The following HACL2 variants were observed in gnomAD, a reference collection of about 807,000 sequenced individuals.
HACL2 encodes 2-hydroxyacyl-CoA lyase 2, also known as 2-hydroxyacyl-CoA lyase 1 like.
chr19:15,115,044 A>C, the HACL2 span: 1 of 631,676 alleles, frequency 1.6e-6, no homozygotes, highest in African/African-American at 1.8e-5. Flanking sequence ...AGAGGGGACA[A>C]ACGGCACAGT....
the HACL2 span, among the ~76,000 whole-genome samples, chr19:15,118,372 T>C: frequency 2.9e-4 from 44 of 152,270 alleles, no homozygotes; most frequent in Non-Finnish European, 4.7e-4. Context: ...AAGGAAGATA[T>C]GCAGTTTCTT....
chr19:15,124,266 G>T, the HACL2 span: 1 of 154,660 alleles, frequency 6.5e-6, no homozygotes, highest in Non-Finnish European at 1.4e-5. Flanking sequence ...AAGCAGTAGA[G>T]AAGGGTTTGG....
At chr19:15,114,995 C>G in the HACL2 span, 1 of 575,246 alleles carries the variant, frequency 1.7e-6, no homozygotes, top group African/African-American at 1.9e-5. Context: ...AGTACTTGGG[C>G]CTACATGGGC....
the HACL2 span, among the ~76,000 whole-genome samples, chr19:15,118,469 G>A: frequency 1.3e-5 from 2 of 152,078 alleles, no homozygotes; most frequent in Non-Finnish European, 2.9e-5. Context: ...ATCATGCTGG[G>A]AGGAAACCGG....
chr19:15,123,869 C>T, the HACL2 span: 1 of 469,926 alleles, frequency 2.1e-6, no homozygotes, highest in East Asian at 3.8e-5. This position sits in a 1 kb window ranked among gnomAD's most constrained non-coding sequence, Gnocchi z 5.1. Flanking sequence ...CACTGTTACA[C>T]TGCCTGTCTC....
the HACL2 span, among the ~76,000 whole-genome samples, chr19:15,118,203 GC>G: frequency 6.6e-6 from 1 of 152,238 alleles, no homozygotes; most frequent in South Asian, 2.1e-4. Flanking sequence ...ACATGCTTTG[GC>G]CAACAGGATA....
chr19:15,123,235 C>T, the HACL2 span: 2 of 1,613,878 alleles, frequency 1.2e-6, no homozygotes, highest in South Asian at 1.1e-5. The surrounding 1 kb of genome is among the most constrained non-coding windows in gnomAD (Gnocchi z 5.1). Context: ...GCCGCCACGC[C>T]CACCGTCCCT....
chr19:15,115,724 A>G, the HACL2 span: 13 of 1,587,066 alleles, frequency 8.2e-6, no homozygotes, highest in Non-Finnish European at 1.1e-5. Context: ...TGGCTTGGCC[A>G]GCCAGAGGAC....
the HACL2 span, among the ~76,000 whole-genome samples, chr19:15,118,847 C>A: frequency 2.6e-5 from 4 of 152,218 alleles, no homozygotes; most frequent in Non-Finnish European, 5.9e-5. Context: ...CCTGGATCAG[C>A]ACAGCTGCCT....
At chr19:15,123,034 G>C in the HACL2 span, 1 of 1,605,858 alleles carries the variant, frequency 6.2e-7, no homozygotes. The surrounding 1 kb of genome is among the most constrained non-coding windows in gnomAD (Gnocchi z 5.1). Flanking sequence ...CCCGGTTCTG[G>C]CAAAGACAGA....
chr19:15,121,770 C>G, the HACL2 span, among the ~76,000 whole-genome samples: 4 of 149,682 alleles, frequency 2.7e-5, no homozygotes, highest in Non-Finnish European at 4.4e-5. Flanking sequence ...CGAGATCACG[C>G]CACTGCACTC....
At chr19:15,118,357 C>T in the HACL2 span, among the ~76,000 whole-genome samples, 28 of 152,132 alleles carry the variant, frequency 1.8e-4, no homozygotes, top group African/African-American at 6.8e-4. Context: ...ACCATGACAC[C>T]CAACAAGGAA....
chr19:15,117,724 G>A, the HACL2 span: 1 of 704,514 alleles, frequency 1.4e-6, no homozygotes, highest in South Asian at 2.1e-5. Flanking sequence ...GCATTCATCA[G>A]TTTGAGAGCC....
At chr19:15,121,070 C>A in the HACL2 span, among the ~76,000 whole-genome samples, 2 of 152,190 alleles carry the variant, frequency 1.3e-5, no homozygotes, top group East Asian at 3.9e-4. Flanking sequence ...GGCTATATGA[C>A]CAAAATGGTG....
the HACL2 span, chr19:15,125,171 C>G: frequency 8.4e-7 from 1 of 1,192,062 alleles, no homozygotes; most frequent in East Asian, 2.6e-5. Context: ...ACGACCCTTG[C>G]CGCCAGTTTC....
chr19:15,122,272 T>A, the HACL2 span, among the ~76,000 whole-genome samples: 1 of 151,956 alleles, frequency 6.6e-6, no homozygotes, highest in South Asian at 2.1e-4. The surrounding 1 kb of genome is among the most constrained non-coding windows in gnomAD (Gnocchi z 4.0). Flanking sequence ...CTTCCTCCTC[T>A]GTAAATGTAA....
At chr19:15,125,134 C>A in the HACL2 span, 1 of 1,411,294 alleles carries the variant, frequency 7.1e-7, no homozygotes, top group Non-Finnish European at 9.4e-7. Flanking sequence ...AGAAATCGCG[C>A]CCCTTCTCGC....
chr19:15,118,402 C>A, the HACL2 span, among the ~76,000 whole-genome samples: 1 of 152,202 alleles, frequency 6.6e-6, no homozygotes, highest in East Asian at 1.9e-4. Flanking sequence ...CTTTTAGAGG[C>A]CTGGGTGGGG....
chr19:15,115,696 C>T, the HACL2 span: 1 of 1,593,258 alleles, frequency 6.3e-7, no homozygotes, highest in Admixed American at 1.7e-5. Flanking sequence ...TGAAGGCAGG[C>T]CGCAGCCTTC....
Sources: gnomAD v4.1 joint callset for allele counts (sites outside exome capture counted in the v4.1 genomes callset) on GRCh38, gnomAD v4.1.1 for gene constraint, Gnocchi (gnomAD v3.1) non-coding constraint, MANE v1.5 for transcripts, NCBI Gene and HGNC (gene_info 2026-07-23, HGNC 2026-07-21) for gene names.